SF3A3: variants seen among roughly 807,000 people sequenced by gnomAD.
SF3A3 encodes the protein splicing factor 3a subunit 3, also known as SAP 61.
SF3A3 carries 9 observed loss-of-function variants against 85.8 expected under a neutral mutation model. The observed-to-expected ratio is 0.10, with a 90% CI of 0.06 to 0.18. The LOEUF (loss-of-function observed/expected upper bound fraction) is 0.18. Ranked by LOEUF, SF3A3 falls within the 10% of genes least tolerant of loss-of-function variation. SF3A3 has a pLI of 1.00. For synonymous variants in SF3A3, 195 were observed against 204.4 expected, an observed-to-expected ratio of 0.95 and a Z score of 0.39; for missense variants, 306 against 593.3, an observed-to-expected ratio of 0.52 and a Z score of 5.03.
chr1:37,980,843 T>A (rs1646413491), intron 7 of SF3A3, 119 bp from the exon 8 acceptor site: 8 of 42,126 alleles, frequency 1.9e-4, no homozygotes, highest in Non-Finnish European at 2.7e-4. Context: ...TTAATACTCT[T>A]TTTTTTTTTT....
chr1:37,985,949 C>CTTTT (rs10673830), intron 4 of SF3A3, among the ~76,000 whole-genome samples: 42 of 118,906 alleles, frequency 3.5e-4, no homozygotes, highest in Admixed American at 7.0e-4. Flanking sequence ...TCCTACCAGA[C>CTTTT]TTTTTTTTTT....
intron 15 of SF3A3, among the ~76,000 whole-genome samples, chr1:37,964,039 T>C (rs974682744): frequency 8.6e-5 from 13 of 151,212 alleles, no homozygotes; most frequent in Admixed American, 7.2e-4. Context: ...ATTAGCTGGG[T>C]GTGGTGGCGC....
chr1:37,978,552 T>C (rs1226652781), intron 11 of SF3A3, among the ~76,000 whole-genome samples, 168 bp downstream of exon 11: 1 of 152,146 alleles, frequency 6.6e-6, no homozygotes, highest in Non-Finnish European at 1.5e-5. Context: ...TTGGTTTATA[T>C]TAACAGTGAT....
chr1:37,987,050 C>T (rs527666800), intron 4 of SF3A3, among the ~76,000 whole-genome samples: 1 of 152,178 alleles, frequency 6.6e-6, no homozygotes, highest in South Asian at 2.1e-4. Flanking sequence ...TGCTCAGTCA[C>T]TGGCTGGGAG....
chr1:37,964,728 G>T (rs920409512), intron 15 of SF3A3, among the ~76,000 whole-genome samples: 2 of 152,204 alleles, frequency 1.3e-5, no homozygotes, highest in Non-Finnish European at 2.9e-5. Flanking sequence ...GCCTGGCGGT[G>T]GTCCTCTATG....
intron 1 of SF3A3, 60 bp from the exon 2 acceptor site, chr1:37,989,655 G>A: frequency 6.3e-7 from 1 of 1,583,052 alleles, no homozygotes; most frequent in East Asian, 2.3e-5. Flanking sequence ...AGAAAAGGCC[G>A]CCCGAGGGCG....
intron 12 of SF3A3, among the ~76,000 whole-genome samples, chr1:37,971,412 G>A (rs1159807045): frequency 2.6e-5 from 4 of 152,062 alleles, no homozygotes; most frequent in African/African-American, 9.7e-5. Context: ...ATTCACAGCC[G>A]AGTTCTACCA....
At chr1:37,978,620 C>T (rs1416775445) in intron 11 of SF3A3, 100 bp downstream of exon 11, 9 of 680,416 alleles carry the variant, frequency 1.3e-5, no homozygotes, top group East Asian at 2.7e-5. Flanking sequence ...CAACCAATAA[C>T]GGAGATAAAG....
intron 15 of SF3A3, among the ~76,000 whole-genome samples, chr1:37,964,337 C>G (rs555665610): frequency 6.6e-6 from 1 of 151,608 alleles, no homozygotes; most frequent in South Asian, 2.1e-4. Flanking sequence ...TGTTTTAAGA[C>G]ACACGTGTTG....
chr1:37,957,674 G>A lies in SF3A3; in HGVS notation c.*512C>T, dbSNP rs1030963571. On this transcript the variant is annotated 3_prime_UTR_variant, in exon 17 of 17. Transcript: ENST00000373019. ...GCAAATACAAAAGGCAAACCTTGGT[G>A]CGACACTTAGTCCTTAGTAGCAACC... The A allele has an allele frequency of 2.0e-5, 3 of 152,848 alleles. No individual in the cohort carries two copies. The highest frequency in any genetic ancestry group is 2.1e-4 in the South Asian group (1 of 4,854). 9.5% of individuals were successfully genotyped at this position (152,848 alleles called of 1,614,324 possible).
chr1:37,983,322 G>A (rs981888477), intron 6 of SF3A3, among the ~76,000 whole-genome samples: 37 of 150,254 alleles, frequency 2.5e-4, no homozygotes, highest in Admixed American at 9.3e-4. Context: ...AGTGGCTTCC[G>A]TCTATAATCC....
chr1:37,980,961 T>C (rs1369071497), intron 7 of SF3A3, among the ~76,000 whole-genome samples: 1 of 150,574 alleles, frequency 6.6e-6, no homozygotes, highest in Non-Finnish European at 1.5e-5. Flanking sequence ...GCGATTCTCC[T>C]GTCTCAGCCT....
intron 11 of SF3A3, 132 bp downstream of exon 11, chr1:37,978,588 A>G (rs1405411092): frequency 1.6e-6 from 1 of 612,210 alleles, no homozygotes. Flanking sequence ...TAGCAGAGAT[A>G]AAGAGCAGAC....
chr1:37,989,491 C>T, intron 2 of SF3A3, 57 bp downstream of exon 2: 1 of 1,583,398 alleles, frequency 6.3e-7, no homozygotes, highest in Admixed American at 1.8e-5. Flanking sequence ...CACTTCACTT[C>T]CCCTCTCTTT....
At chr1:37,977,668 G>A (rs1488457791) in intron 11 of SF3A3, among the ~76,000 whole-genome samples, 1 of 151,528 alleles carries the variant, frequency 6.6e-6, no homozygotes, top group Non-Finnish European at 1.5e-5. Flanking sequence ...GTGAAACCCC[G>A]TCTCTACTAA....
intron 15 of SF3A3, among the ~76,000 whole-genome samples, chr1:37,962,149 A>T (rs991051770): frequency 1.3e-5 from 2 of 151,602 alleles, no homozygotes; most frequent in African/African-American, 4.8e-5. Context: ...CTTCAAGCCC[A>T]GGTAATATGC....
chr1:37,981,928 G>T, intron 6 of SF3A3, 117 bp from the exon 7 acceptor site: 1 of 655,080 alleles, frequency 1.5e-6, no homozygotes, highest in Non-Finnish European at 2.6e-6. Context: ...AAGTAACAAG[G>T]GCTGGCTAAT....
chr1:37,966,422 T>A (rs535803877), intron 15 of SF3A3, among the ~76,000 whole-genome samples: 2 of 152,258 alleles, frequency 1.3e-5, no homozygotes, highest in South Asian at 2.1e-4. Context: ...CTATAGCCTC[T>A]AACACAAGCT....
chr1:37,988,640 G>A (rs1307833286), intron 2 of SF3A3, among the ~76,000 whole-genome samples: 1 of 152,114 alleles, frequency 6.6e-6, no homozygotes, highest in African/African-American at 2.4e-5. Flanking sequence ...CAAATCAGAA[G>A]GTCCAAGTAG....
Sources: gnomAD v4.1 joint callset for allele counts (sites outside exome capture counted in the v4.1 genomes callset) on GRCh38, gnomAD v4.1.1 for gene constraint, MANE v1.5 for transcripts, NCBI Gene and HGNC (gene_info 2026-07-23, HGNC 2026-07-21) for gene names.